MLYCD: variants seen among roughly 807,000 people sequenced by gnomAD.
MLYCD encodes the protein malonyl-CoA decarboxylase, mitochondrial.
Under a neutral mutation model 35.8 loss-of-function variants are expected in MLYCD, and 27 were observed. The observed-to-expected ratio is 0.75, with a 90% CI of 0.56 to 1.04. The LOEUF (loss-of-function observed/expected upper bound fraction) is 1.04. MLYCD is among the 50% of genes least tolerant of loss of function. The pLI, the probability that MLYCD is intolerant of heterozygous loss-of-function variation, is 0.00. For synonymous variants in MLYCD, 403 were observed against 302.4 expected, an observed-to-expected ratio of 1.33 and a Z score of -3.45; for missense variants, 917 against 665.1, an observed-to-expected ratio of 1.38 and a Z score of -4.17.
In MLYCD at chr16:83,909,976, G is replaced by A. The variant is rs1046633348; in HGVS notation, c.798+1694G>A. Among the ~76,000 whole-genome samples, 11 of 152,072 alleles carry A rather than the reference G, an allele frequency of 7.2e-5. No individual in the cohort carries two copies. The East Asian group carries it at 7.8e-4, about 11-fold the overall frequency. On this transcript the variant is annotated intron_variant, in intron 3 of 4. Transcript: ENST00000262430. ...TGAGAAAACCGAGGCTTGAGGGAAC[G>A]TCCGCAACTTACCCATGATCATCGA...
chr16:83,915,310 T>G lies in MLYCD; in HGVS notation c.1303T>G (p.Trp435Gly), dbSNP rs377001616. ...CGGGGCGGTGCTGTGGCGCATCAAC[T>G]GGATGGCGGATGTGAGCCTCAGAGG... is the stretch of plus-strand genomic sequence containing the variant. ...QNGAVLWRIN[W>G]MADVSLRGIT... The change falls in exon 5 of 5, where the codon TGG (tryptophan) becomes GGG (glycine). Residue 435 changes from tryptophan (W) to glycine (G), a missense_variant. Physicochemically the swap from Trp to Gly is radical, Grantham distance 184. Coordinates refer to ENST00000262430, the MANE Select transcript of MLYCD (RefSeq NM_012213.3). The G allele has an allele frequency of 1.9e-6, 3 of 1,613,796 alleles. No homozygotes were observed. The South Asian group carries it at 3.3e-5, about 18-fold the overall frequency.
In MLYCD at chr16:83,919,739, TGCACAGAACACAC is replaced by T. The variant is rs1907584718; in HGVS notation, c.*4252_*4264del. ...AACACACAGTGCACAGAACACACAG[TGCACAGAACACAC>T]GGTGCACAGGAGAACACATGGTGCA... On this transcript the variant is annotated 3_prime_UTR_variant, in exon 5 of 5. Coordinates refer to ENST00000262430, the MANE Select transcript of MLYCD (RefSeq NM_012213.3). 1 of 138,672 alleles carries T rather than the reference TGCACAGAACACAC, an allele frequency of 7.2e-6. No individual in the cohort carries two copies. Among genetic ancestry groups the T allele is most frequent in the Non-Finnish European group, 1.5e-5 (1 of 65,656 alleles). The allele number at this position is 138,672 out of a possible 1,614,324, so 8.6% of individuals were successfully genotyped here. A position where few individuals can be genotyped will look rare whatever the true frequency, so the allele number is the denominator to read the frequency against.
intron 4 of MLYCD, chr16:83,913,851 G>A (rs1029290184): frequency 1.3e-5 from 2 of 150,080 alleles, no homozygotes; most frequent in South Asian, 2.1e-4. Flanking sequence ...GAAAAACCCC[G>A]GGAGCTACCA....
chr16:83,907,663 C>G (rs950637582), intron 2 of MLYCD, among the ~76,000 whole-genome samples: 2 of 152,110 alleles, frequency 1.3e-5, no homozygotes, highest in Non-Finnish European at 2.9e-5. Flanking sequence ...GAAATGTAAC[C>G]AATTCAATTC....
Position 83,919,392 on chromosome 16 carries a change from A to G in MLYCD, c.*3903A>G, listed in dbSNP as rs1008691716. 1.3e-5 allele frequency: 2 copies of G among 151,192 alleles called. No individual in the cohort carries two copies. The highest frequency in any genetic ancestry group is 4.9e-5 in the African/African-American group (2 of 40,650). 9.4% of individuals were successfully genotyped at this position (151,192 alleles called of 1,614,324 possible). On this transcript the variant is annotated 3_prime_UTR_variant, in exon 5 of 5. Transcript: ENST00000262430. ...TGCACAGGAGAACACAGTGCACAGGAGAACACACACTGCACAGAACAAATG... is the reference window on the plus strand; with the variant it reads ...TGCACAGGAGAACACAGTGCACAGGGGAACACACACTGCACAGAACAAATG...
Position 83,919,188 on chromosome 16 carries a change from TCACA to T in MLYCD, c.*3704_*3707del, listed in dbSNP as rs1180093070. The T allele has an allele frequency of 2.9e-5, 3 of 101,938 alleles. No homozygotes were observed. The highest frequency in any genetic ancestry group is 4.0e-5 in the African/African-American group (1 of 25,106). 6.3% of individuals were successfully genotyped at this position (101,938 alleles called of 1,614,324 possible). On this transcript the variant is annotated 3_prime_UTR_variant, in exon 5 of 5. Transcript: ENST00000262430. ...GAATACACACGGTGCACAGGAGAAT[TCACA>T]CACAATGCACAGGAGAACACAGTGC...
At position 83,916,548 on chromosome 16, in the gene MLYCD, C is replaced by G. The variant is rs1907398245; in HGVS notation, c.*1059C>G. 1 of 137,524 alleles carries G rather than the reference C, an allele frequency of 7.3e-6. No homozygotes were observed. Among genetic ancestry groups the G allele is most frequent in the Non-Finnish European group, 1.5e-5 (1 of 66,000 alleles). The allele number at this position is 137,524 out of a possible 1,614,324, so 8.5% of individuals were successfully genotyped here. ...CGAGCATCTCTGGATCAGTGCACGTCTGTGTGCATGTGCCCGAGCGTCTCT... is the reference window on the plus strand; with the variant it reads ...CGAGCATCTCTGGATCAGTGCACGTGTGTGTGCATGTGCCCGAGCGTCTCT... On this transcript the variant is annotated 3_prime_UTR_variant, in exon 5 of 5. Coordinates refer to ENST00000262430, the MANE Select transcript of MLYCD (RefSeq NM_012213.3).
At chr16:83,908,882 T>A (rs1907074763) in intron 3 of MLYCD, among the ~76,000 whole-genome samples, 1 of 151,738 alleles carries the variant, frequency 6.6e-6, no homozygotes, top group African/African-American at 2.4e-5. Context: ...GAAATAGGAG[T>A]GCTAAAGATA....
intron 1 of MLYCD, among the ~76,000 whole-genome samples, chr16:83,900,178 C>T (rs753344127): frequency 9.5e-4 from 144 of 152,156 alleles, no homozygotes; most frequent in Non-Finnish European, 1.8e-3. Flanking sequence ...CACCACCACC[C>T]AGGAGTCTCC....
At chr16:83,908,075 G>C (rs771810331) in intron 2 of MLYCD, 51 bp from the exon 3 acceptor site, 2 of 1,608,964 alleles carry the variant, frequency 1.2e-6, no homozygotes, top group Admixed American at 1.7e-5. Context: ...GTCAGCAGCC[G>C]TTGCTTGTGA....
In MLYCD at chr16:83,920,128, CAGTGCACAGGAGAACCT is replaced by C. The variant is rs1907603612; in HGVS notation, c.*4649_*4665del. The C allele has an allele frequency of 6.6e-6, 1 of 152,060 alleles. No homozygotes were observed. Among genetic ancestry groups the C allele is most frequent in the African/African-American group, 2.4e-5 (1 of 41,338 alleles). The allele number at this position is 152,060 out of a possible 1,614,324, so 9.4% of individuals were successfully genotyped here. ...CACACGGTACACAGCAGAACACCCG[CAGTGCACAGGAGAACCT>C]AGTGCACAGAACACACACCCTGTGC... On this transcript the variant is annotated 3_prime_UTR_variant, in exon 5 of 5. Coordinates refer to ENST00000262430, the MANE Select transcript of MLYCD (RefSeq NM_012213.3).
chr16:83,915,558 T>A lies in MLYCD; in HGVS notation c.*69T>A. 1 of 1,579,732 alleles carries A rather than the reference T, an allele frequency of 6.3e-7. No homozygotes were observed. Among genetic ancestry groups the A allele is most frequent in the Admixed American group, 1.8e-5 (1 of 56,630 alleles). On this transcript the variant is annotated 3_prime_UTR_variant, in exon 5 of 5. Coordinates refer to ENST00000262430, the MANE Select transcript of MLYCD (RefSeq NM_012213.3). ...ATCATTTTCAGGAGGGGCCGGGAGTTATGTATCTGAAGCAGCTTTCCAAGC... is the reference window on the plus strand; with the variant it reads ...ATCATTTTCAGGAGGGGCCGGGAGTAATGTATCTGAAGCAGCTTTCCAAGC...
rs1907377366 is a variant in MLYCD at position 83,916,123 on chromosome 16, G to T, written c.*634G>T. 1.3e-5 allele frequency: 13 copies of T among 993,112 alleles called. No individual in the cohort carries two copies. The highest frequency in any genetic ancestry group is 1.6e-5 in the Non-Finnish European group (13 of 833,422). The allele number at this position is 993,112 out of a possible 1,614,324, so 61.5% of individuals were successfully genotyped here. A position where few individuals can be genotyped will look rare whatever the true frequency, so the allele number is the denominator to read the frequency against. ...TGGATAATAGGCTTTAAATGATCAG[G>T]GATTCAGGTTCATAATGAACTTCAC... is the stretch of plus-strand genomic sequence containing the variant. On this transcript the variant is annotated 3_prime_UTR_variant, in exon 5 of 5. Transcript: ENST00000262430.
At position 83,915,128 on chromosome 16, in the gene MLYCD, C is replaced by T. The variant is rs764214677; in HGVS notation, c.1121C>T (p.Thr374Ile). 1.9e-6 allele frequency: 3 copies of T among 1,614,260 alleles called. No individual in the cohort carries two copies. The Admixed American group carries it at 5.0e-5, about 27-fold the overall frequency. ...ATCACAGGTGGCCCCATTAACGAGA[C>T]CCTCAAGCTCCTCCTCAGCAGCAGC... ...SEITGGPINE[T>I]LKLLLSSSEW... is the part of the protein sequence containing the mutation. The change falls in exon 5 of 5, where the codon ACC (threonine) becomes ATC (isoleucine). Residue 374 changes from threonine to isoleucine, a missense_variant. Thr to Ile is a moderately conservative substitution (Grantham distance 89). Coordinates refer to ENST00000262430, the MANE Select transcript of MLYCD (RefSeq NM_012213.3).
At chr16:83,911,887 C>T (rs1055508380) in intron 3 of MLYCD, 2 of 357,216 alleles carry the variant, frequency 5.6e-6, no homozygotes, top group South Asian at 2.4e-5. Context: ...GAGTGTTGGC[C>T]GGAGAGTTTA....
intron 2 of MLYCD, among the ~76,000 whole-genome samples, chr16:83,907,704 C>T (rs980257209): frequency 3.3e-5 from 5 of 152,166 alleles, no homozygotes; most frequent in Non-Finnish European, 5.9e-5. Flanking sequence ...TGCCATTTCA[C>T]ATGCTGAAAA....
chr16:83,907,384 T>G (rs1297819486), intron 2 of MLYCD, among the ~76,000 whole-genome samples: 2 of 152,184 alleles, frequency 1.3e-5, no homozygotes, highest in Non-Finnish European at 2.9e-5. Flanking sequence ...ACACCCATTT[T>G]CGCTCGTCCC....
intron 3 of MLYCD, among the ~76,000 whole-genome samples, chr16:83,908,948 A>T (rs1406762224): frequency 6.6e-6 from 1 of 152,194 alleles, no homozygotes; most frequent in African/African-American, 2.4e-5. Context: ...GACCAAGAGG[A>T]CATGAGTGGC....
intron 1 of MLYCD, among the ~76,000 whole-genome samples, chr16:83,906,437 A>G (rs1906978162): frequency 6.6e-6 from 1 of 152,186 alleles, no homozygotes; most frequent in African/African-American, 2.4e-5. Flanking sequence ...CCATCATTCG[A>G]AAGATGCATC....
Sources: allele counts gnomAD v4.1 joint callset (sites outside exome capture counted in the v4.1 genomes callset), GRCh38; gene constraint gnomAD v4.1.1; transcripts MANE v1.5; gene names NCBI Gene and HGNC (gene_info 2026-07-23, HGNC 2026-07-21).